Variants in ZPBP observed in about 807,000 individuals in gnomAD.
ZPBP encodes zona pellucida-binding protein 1.
In ZPBP, 26 loss-of-function variants were observed where a neutral mutation model predicts 44.8. The observed-to-expected ratio is 0.58, with a 90% CI of 0.43 to 0.81. The LOEUF (loss-of-function observed/expected upper bound fraction) is 0.81. Among genes scored for constraint, ZPBP ranks in the 30% least tolerant of loss-of-function variants. ZPBP has a pLI of 0.00. For synonymous variants in ZPBP, 174 were observed against 153.2 expected (o/e 1.14, Z -1.00); for missense variants, 409 against 434.0 (o/e 0.94, Z 0.51).
chr7:50,064,513 C>T (rs1338267108), intron 3 of ZPBP, among the ~76,000 whole-genome samples: 3 of 152,156 alleles, frequency 2.0e-5, no homozygotes, highest in Admixed American at 6.6e-5. Flanking sequence ...TCTGTAGCCT[C>T]GACCATAAGA....
At chr7:50,066,497 A>C (rs1801509919) in intron 3 of ZPBP, among the ~76,000 whole-genome samples, 1 of 152,114 alleles carries the variant, frequency 6.6e-6, no homozygotes, top group South Asian at 2.1e-4. Context: ...ATTTTTCTAG[A>C]GATTTCTTCC....
chr7:50,034,647 T>C (rs929084810), intron 4 of ZPBP, among the ~76,000 whole-genome samples: 2 of 151,802 alleles, frequency 1.3e-5, no homozygotes, highest in Non-Finnish European at 2.9e-5. Flanking sequence ...GAAACCAAAT[T>C]TGAAAAAAAA....
At chr7:49,916,819 C>T (rs1443599618) in intron 1 of ZPBP, 1 of 152,146 alleles carries the variant, frequency 6.6e-6, no homozygotes, top group African/African-American at 2.4e-5. Flanking sequence ...ATATCTAAGT[C>T]ACAGAACCCA....
At chr7:50,010,908 C>CAAAAAAAAAAAAAAAAAAAAAAAAAA (rs71554292) in intron 6 of ZPBP, among the ~76,000 whole-genome samples, 3 of 92,436 alleles carry the variant, frequency 3.2e-5, no homozygotes, top group Non-Finnish European at 3.9e-5. Context: ...CAAGACCAAG[C>CAAAAAAAAAAAAAAAAAAAAAAAAAA]AAAAAAAAAA....
chr7:49,874,740 G>A (rs941453074), intron 2 of ZPBP, among the ~76,000 whole-genome samples: 3 of 152,084 alleles, frequency 2.0e-5, no homozygotes, highest in Non-Finnish European at 4.4e-5. Context: ...CCTTGAGTTG[G>A]GGCACCTTTG....
At chr7:49,979,841 AT>A (rs1562816600) in intron 7 of ZPBP, among the ~76,000 whole-genome samples, 11 of 81,086 alleles carry the variant, frequency 1.4e-4, no homozygotes, top group African/African-American at 5.5e-4. Context: ...ATATATATAT[AT>A]ATATAAAATA....
intron 6 of ZPBP, among the ~76,000 whole-genome samples, chr7:50,012,212 T>C (rs35018154): frequency 0.26 from 39,700 of 151,738 alleles, 6,438 homozygotes; most frequent in Non-Finnish European, 0.37. Context: ...ATATATGAGA[T>C]TTTTGAGACA....
At chr7:49,999,126 G>T (rs1167280492) in intron 6 of ZPBP, among the ~76,000 whole-genome samples, 1 of 151,748 alleles carries the variant, frequency 6.6e-6, no homozygotes, top group Non-Finnish European at 1.5e-5. Context: ...AGCATTTTGG[G>T]TAAGGGATAC....
chr7:49,872,934 A>AAAAAAAAAAAAAAAAAAAAAAG (rs1554337537), intron 2 of ZPBP, among the ~76,000 whole-genome samples: 1 of 148,592 alleles, frequency 6.7e-6, no homozygotes, highest in African/African-American at 2.5e-5. Flanking sequence ...AAAAAAAAAA[A>AAAAAAAAAAAAAAAAAAAAAAG]AAAGAAAGAA....
chr7:49,845,108 C>A, the ZPBP span, among the ~76,000 whole-genome samples: 3 of 152,012 alleles, frequency 2.0e-5, no homozygotes, highest in South Asian at 6.2e-4. Context: ...TGGGCGGGAA[C>A]AACACACACG....
At chr7:49,954,901 T>C (rs1007077928) in intron 7 of ZPBP, among the ~76,000 whole-genome samples, 4 of 152,166 alleles carry the variant, frequency 2.6e-5, no homozygotes, top group African/African-American at 9.6e-5. Context: ...TGGGAGCATA[T>C]AACATTTATC....
intron 3 of ZPBP, among the ~76,000 whole-genome samples, chr7:50,066,145 G>C (rs1801490753): frequency 6.6e-6 from 1 of 150,884 alleles, no homozygotes; most frequent in Admixed American, 6.6e-5. Context: ...ATTGCAGACT[G>C]CTTCTGATTG....
At chr7:49,872,681 G>A (rs1405487078) in intron 2 of ZPBP, among the ~76,000 whole-genome samples, 1 of 150,724 alleles carries the variant, frequency 6.6e-6, no homozygotes, top group Non-Finnish European at 1.5e-5. Context: ...CAAGGTGGGC[G>A]GATCACCTGA....
intron 5 of ZPBP, among the ~76,000 whole-genome samples, chr7:50,019,548 C>T (rs924053558): frequency 2.6e-5 from 4 of 151,956 alleles, no homozygotes; most frequent in Non-Finnish European, 4.4e-5. Context: ...CAACATTTAC[C>T]TAGTATGTCA....
At chr7:49,981,577 A>ATTATAT (rs1796945780) in intron 7 of ZPBP, among the ~76,000 whole-genome samples, 2 of 28,068 alleles carry the variant, frequency 7.1e-5, no homozygotes, top group Non-Finnish European at 9.4e-5. Context: ...ATAATTATAT[A>ATTATAT]AATTATATAT....
At chr7:49,933,020 C>G (rs1335632542), downstream of ZPBP, among the ~76,000 whole-genome samples, 3 of 152,062 alleles carry the variant, frequency 2.0e-5, no homozygotes, top group Admixed American at 6.5e-5. Context: ...TATAAATTAC[C>G]CAGTCTTGGG....
intron 7 of ZPBP, among the ~76,000 whole-genome samples, chr7:49,965,322 ACAAT>A (rs1278883949): frequency 6.6e-6 from 1 of 152,100 alleles, no homozygotes; most frequent in African/African-American, 2.4e-5. Flanking sequence ...CTCATTGGAA[ACAAT>A]CAAAGTGAAA....
At chr7:50,002,321 T>C (rs1798136020) in intron 6 of ZPBP, among the ~76,000 whole-genome samples, 1 of 152,096 alleles carries the variant, frequency 6.6e-6, no homozygotes, top group Non-Finnish European at 1.5e-5. Flanking sequence ...CATGATCCAA[T>C]TATCTCCACC....
intron 6 of ZPBP, among the ~76,000 whole-genome samples, chr7:49,993,609 AC>A (rs1797664142): frequency 6.6e-6 from 1 of 152,222 alleles, no homozygotes; most frequent in Non-Finnish European, 1.5e-5. Flanking sequence ...AATACTTAGA[AC>A]AAAAATCTTC....
Sources: allele counts gnomAD v4.1 joint callset (sites outside exome capture counted in the v4.1 genomes callset), GRCh38; gene constraint gnomAD v4.1.1; transcripts MANE v1.5; gene names NCBI Gene and HGNC (gene_info 2026-07-23, HGNC 2026-07-21).